RBFOX1: variants seen among roughly 807,000 people sequenced by gnomAD.
RBFOX1 encodes the protein RNA binding fox-1 homolog 1.
RBFOX1 carries 8 observed loss-of-function variants against 57.7 expected under a neutral mutation model. The observed-to-expected ratio is 0.14, with a 90% CI of 0.08 to 0.25. The LOEUF (loss-of-function observed/expected upper bound fraction) is 0.25. RBFOX1 is among the 10% of genes least tolerant of loss of function. The pLI is 1.00. For missense variants in RBFOX1, 611 were observed against 548.5 expected, an observed-to-expected ratio of 1.11 and a Z score of -1.14; for synonymous variants, 326 against 222.4, an observed-to-expected ratio of 1.47 and a Z score of -4.15.
intron 1 of RBFOX1, among the ~76,000 whole-genome samples, chr16:6,306,814 T>C (rs143725995): frequency 2.0e-5 from 3 of 152,300 alleles, no homozygotes; most frequent in African/African-American, 7.2e-5. Flanking sequence ...TACTATGCCT[T>C]GCACTCAGTA....
rs1190848392 is a variant in RBFOX1, at chr16:6,976,795, GAT to G, written c.-15-75257_-15-75256del. On this transcript the variant is annotated intron_variant, in intron 3 of 15. Coordinates refer to ENST00000550418, the MANE Select transcript of RBFOX1 (RefSeq NM_018723.4). ...TGACATATCAATATATTATATATAT[GAT>G]ATATGAGATATAAATGATCTAGATC... Among the ~76,000 whole-genome samples, 8 of 103,786 alleles carry G rather than the reference GAT, an allele frequency of 7.7e-5. 1 individual carries two copies. Among genetic ancestry groups the G allele is most frequent in the South Asian group, 3.4e-4 (1 of 2,984 alleles). 68.1% of individuals were successfully genotyped at this position (103,786 alleles called of 152,430 possible).
intron 2 of RBFOX1, among the ~76,000 whole-genome samples, chr16:6,356,680 T>C (rs1241606860): frequency 1.3e-5 from 2 of 152,048 alleles, no homozygotes; most frequent in East Asian, 3.9e-4. Context: ...AAAGATACCA[T>C]TACCGTGGTA....
At chr16:6,316,729 G>T (rs748928939) in intron 1 of RBFOX1, among the ~76,000 whole-genome samples, 6 of 152,174 alleles carry the variant, frequency 3.9e-5, no homozygotes, top group African/African-American at 9.6e-5. Context: ...CTTGTCAACT[G>T]TGGGAGCTGT....
intron 3 of RBFOX1, among the ~76,000 whole-genome samples, chr16:6,690,244 T>C (rs1184469018): frequency 6.6e-6 from 1 of 152,162 alleles, no homozygotes; most frequent in Non-Finnish European, 1.5e-5. Flanking sequence ...TCTAAGAAGA[T>C]ATTTGATTTT....
At chr16:6,993,490 G>T (rs1158163158) in intron 3 of RBFOX1, among the ~76,000 whole-genome samples, 1 of 152,158 alleles carries the variant, frequency 6.6e-6, no homozygotes, top group Non-Finnish European at 1.5e-5. Flanking sequence ...CCATCCTGTT[G>T]CATTGAAGAA....
At chr16:7,621,315 C>T (rs1315006564) in intron 10 of RBFOX1, among the ~76,000 whole-genome samples, 3 of 151,742 alleles carry the variant, frequency 2.0e-5, no homozygotes, top group South Asian at 2.1e-4. Flanking sequence ...GGCTGGAGTG[C>T]AGTGGTGCAA....
intron 2 of RBFOX1, among the ~76,000 whole-genome samples, chr16:5,525,722 T>A (rs893556789): frequency 2.6e-5 from 4 of 152,060 alleles, no homozygotes; most frequent in Admixed American, 2.6e-4. Flanking sequence ...GATCTTGAAC[T>A]CCTGACCTCA....
At chr16:7,236,212 C>G (rs1214985349) in intron 4 of RBFOX1, among the ~76,000 whole-genome samples, 2 of 152,058 alleles carry the variant, frequency 1.3e-5, no homozygotes, top group Non-Finnish European at 2.9e-5. Context: ...AGTAAATATT[C>G]AAGAGTTATA....
intron 3 of RBFOX1, among the ~76,000 whole-genome samples, chr16:5,624,358 C>G (rs1254196798): frequency 6.6e-6 from 1 of 152,216 alleles, no homozygotes; most frequent in African/African-American, 2.4e-5. Flanking sequence ...CCGTGCCCAA[C>G]TAATTTTTTT....
At chr16:6,024,460 T>C (rs557860205) in intron 1 of RBFOX1, among the ~76,000 whole-genome samples, 2 of 152,266 alleles carry the variant, frequency 1.3e-5, no homozygotes, top group African/African-American at 2.4e-5. Context: ...TATGGATCCA[T>C]ACATTTATCC....
At chr16:7,707,182 C>T (rs1568596178) in intron 14 of RBFOX1, among the ~76,000 whole-genome samples, 1 of 152,270 alleles carries the variant, frequency 6.6e-6, no homozygotes, top group East Asian at 1.9e-4. Flanking sequence ...TGCCCTTTGA[C>T]ACAGGCAGAT....
chr16:7,143,592 TCTCA>T (rs1361312484), intron 4 of RBFOX1, among the ~76,000 whole-genome samples: 1 of 152,146 alleles, frequency 6.6e-6, no homozygotes, highest in African/African-American at 2.4e-5. Context: ...CAGACCTCCT[TCTCA>T]CTCACCCTTT....
intron 2 of RBFOX1, among the ~76,000 whole-genome samples, chr16:6,478,729 A>C (rs1381506300): frequency 6.6e-6 from 1 of 151,910 alleles, no homozygotes; most frequent in Non-Finnish European, 1.5e-5. Flanking sequence ...GGCCAAGGAG[A>C]GGGAGCGAGC....
intron 1 of RBFOX1, among the ~76,000 whole-genome samples, chr16:5,396,871 C>T (rs1031329183): frequency 2.6e-5 from 4 of 152,258 alleles, no homozygotes; most frequent in South Asian, 2.1e-4. Flanking sequence ...AAATTGTTAC[C>T]GTGATTTATA....
chr16:5,261,428 A>ATAGT (rs2062728742), intron 1 of RBFOX1, among the ~76,000 whole-genome samples: 1 of 151,992 alleles, frequency 6.6e-6, no homozygotes, highest in African/African-American at 2.4e-5. Context: ...TGAACATGTG[A>ATAGT]TAGTGTCTTT....
intron 10 of RBFOX1, among the ~76,000 whole-genome samples, chr16:7,629,342 T>C (rs916895956): frequency 6.6e-6 from 1 of 152,170 alleles, no homozygotes; most frequent in Non-Finnish European, 1.5e-5. Flanking sequence ...ATAGGGAAGA[T>C]ACAGAAGGAG....
At chr16:6,748,290 C>G (rs942184538) in intron 3 of RBFOX1, among the ~76,000 whole-genome samples, 5 of 152,104 alleles carry the variant, frequency 3.3e-5, no homozygotes, top group African/African-American at 1.2e-4. Context: ...TCTACACACA[C>G]ACACGCAAAT....
At chr16:7,047,812 T>G (rs1422899422) in intron 3 of RBFOX1, among the ~76,000 whole-genome samples, 1 of 151,408 alleles carries the variant, frequency 6.6e-6, no homozygotes, top group Non-Finnish European at 1.5e-5. Flanking sequence ...AGTTTACTTC[T>G]TTTTCTTCTG....
intron 2 of RBFOX1, among the ~76,000 whole-genome samples, chr16:5,554,539 C>G (rs1051471838): frequency 1.3e-5 from 2 of 152,018 alleles, no homozygotes; most frequent in African/African-American, 4.8e-5. Context: ...TTAATTTTAG[C>G]AACTTCAATC....
Sources: gnomAD v4.1 joint callset for allele counts (sites outside exome capture counted in the v4.1 genomes callset) on GRCh38, gnomAD v4.1.1 for gene constraint, MANE v1.5 for transcripts, NCBI Gene and HGNC (gene_info 2026-07-23, HGNC 2026-07-21) for gene names.